Variants in DLGAP1 observed in about 807,000 individuals in gnomAD.
DLGAP1 encodes the protein DLG associated protein 1, also known as disks large-associated protein 1.
In DLGAP1, 11 loss-of-function variants were observed where a neutral mutation model predicts 90.8. The ratio of observed to expected loss-of-function variants is 0.12; its 90% CI spans 0.08 to 0.20. The LOEUF is 0.20. Ranked by LOEUF, DLGAP1 falls within the 10% of genes least tolerant of loss-of-function variation. The pLI is 1.00. For synonymous variants in DLGAP1, 558 were observed against 540.7 expected (o/e 1.03, Z -0.44); for missense variants, 1,050 against 1,333.8 (o/e 0.79, Z 3.31).
intron 7 of DLGAP1, among the ~76,000 whole-genome samples, chr18:3,717,936 C>T (rs1334279688): frequency 2.6e-5 from 4 of 152,140 alleles, no homozygotes; most frequent in Non-Finnish European, 5.9e-5. Context: ...AAGACTGCTA[C>T]GTGCCAAAGT....
At chr18:4,264,489 T>C (rs1398940097) in intron 1 of DLGAP1, 1 of 152,274 alleles carries the variant, frequency 6.6e-6, no homozygotes, top group East Asian at 1.9e-4. Context: ...ATAAGACTCA[T>C]TCTTCACCTT....
At chr18:4,314,797 G>A (rs2080486145) in intron 1 of DLGAP1, among the ~76,000 whole-genome samples, 1 of 152,160 alleles carries the variant, frequency 6.6e-6, no homozygotes, top group Non-Finnish European at 1.5e-5. Flanking sequence ...AGGGCGTGGT[G>A]AAGAATAAAA....
chr18:3,629,447 G>A (rs1191933888), intron 7 of DLGAP1, among the ~76,000 whole-genome samples: 1 of 151,976 alleles, frequency 6.6e-6, no homozygotes, highest in African/African-American at 2.4e-5. Context: ...TGAGGCGGGC[G>A]GATCACGAGG....
At chr18:3,745,645 G>A (rs961334999) in intron 5 of DLGAP1, among the ~76,000 whole-genome samples, 5 of 152,048 alleles carry the variant, frequency 3.3e-5, no homozygotes, top group African/African-American at 9.7e-5. Context: ...TAAAAAACAA[G>A]GGGAGGAATG....
At chr18:3,615,331 G>A (rs1196686081) in intron 7 of DLGAP1, among the ~76,000 whole-genome samples, 1 of 152,140 alleles carries the variant, frequency 6.6e-6, no homozygotes, top group African/African-American at 2.4e-5. Flanking sequence ...CCACATAGTT[G>A]GTGCTGATTG....
At chr18:3,532,698 T>G (rs2052091910) in intron 10 of DLGAP1, among the ~76,000 whole-genome samples, 1 of 152,186 alleles carries the variant, frequency 6.6e-6, no homozygotes. Flanking sequence ...CACACAGACA[T>G]GAAGCAGGCA....
intron 2 of DLGAP1, among the ~76,000 whole-genome samples, chr18:4,117,779 T>A (rs1164034353): frequency 6.6e-6 from 1 of 152,168 alleles, no homozygotes; most frequent in Non-Finnish European, 1.5e-5. Context: ...CTGCCAGGGA[T>A]CAGCATGGTT....
chr18:3,690,981 T>C (rs899254952), intron 7 of DLGAP1, among the ~76,000 whole-genome samples: 1 of 152,222 alleles, frequency 6.6e-6, no homozygotes, highest in Non-Finnish European at 1.5e-5. Context: ...TGGCCTGCCA[T>C]GCAAAACAGT....
At chr18:3,536,907 C>T (rs1266824491) in intron 9 of DLGAP1, among the ~76,000 whole-genome samples, 2 of 152,042 alleles carry the variant, frequency 1.3e-5, no homozygotes, top group Non-Finnish European at 2.9e-5. Context: ...GCAAGGAAGG[C>T]GTGGGCCTGA....
At chr18:4,388,556 A>G (rs1039504215) in intron 1 of DLGAP1, among the ~76,000 whole-genome samples, 1 of 152,172 alleles carries the variant, frequency 6.6e-6, no homozygotes, top group Non-Finnish European at 1.5e-5. Context: ...AGGAATGGGT[A>G]AAGGCAGAAA....
intron 7 of DLGAP1, among the ~76,000 whole-genome samples, chr18:3,617,191 C>T (rs1180693077): frequency 6.6e-6 from 1 of 152,116 alleles, no homozygotes; most frequent in Non-Finnish European, 1.5e-5. Flanking sequence ...TGGGGGTGAT[C>T]CGTTGCATAG....
chr18:3,852,745 A>C (rs1237116405), intron 4 of DLGAP1, among the ~76,000 whole-genome samples: 1 of 152,138 alleles, frequency 6.6e-6, no homozygotes, highest in East Asian at 1.9e-4. Context: ...GCATATATTG[A>C]GACAATCCTA....
rs561295142 is a variant in DLGAP1 at position 3,924,304 on chromosome 18, T to G, written c.-72-44164A>C. On this transcript the variant is annotated intron_variant, in intron 3 of 12. Transcript: ENST00000315677. The stretch of plus-strand genomic sequence containing the variant: ...ACCATGGGGAAATATAAAAAGCTTT[T>G]GGTTGAACAGTTCAGAAAACAAAAC... 9.8e-5 allele frequency among the ~76,000 whole-genome samples: 15 copies of G among 152,330 alleles called. No individual in the cohort carries two copies. In the South Asian group the frequency reaches 3.1e-3, roughly 32 times the overall value.
chr18:4,279,944 C>T (rs58557602), intron 1 of DLGAP1, among the ~76,000 whole-genome samples: 57 of 152,252 alleles, frequency 3.7e-4, no homozygotes, highest in African/African-American at 1.3e-3. Context: ...ATTCGTTAAA[C>T]AGTCATTAAA....
chr18:3,600,713 TAGATATAGAG>T (rs1358126601), intron 7 of DLGAP1, among the ~76,000 whole-genome samples: 3 of 93,606 alleles, frequency 3.2e-5, no homozygotes, highest in Admixed American at 1.2e-4. Flanking sequence ...TATAGCTATA[TAGATATAGAG>T]ATATAGATAT....
In DLGAP1 at chr18:4,389,830, T is replaced by G. The variant is rs1211752593; in HGVS notation, c.-267+65176A>C. Among the ~76,000 whole-genome samples the G allele has an allele frequency of 2.0e-5, 3 of 152,240 alleles. No individual in the cohort carries two copies. The South Asian group carries it at 6.2e-4, about 31-fold the overall frequency. On this transcript the variant is annotated intron_variant, in intron 1 of 12. Transcript: ENST00000315677. ...GCTGTTGGCACACAATGACGTCTAT[T>G]AAGATGCACATCAATTACTATAACC... is the stretch of plus-strand genomic sequence containing the variant.
intron 3 of DLGAP1, among the ~76,000 whole-genome samples, chr18:3,906,535 T>G (rs969899028): frequency 1.3e-5 from 2 of 152,184 alleles, no homozygotes; most frequent in Non-Finnish European, 2.9e-5. Flanking sequence ...TTTCCTCAAA[T>G]CTATTTATGT....
intron 7 of DLGAP1, among the ~76,000 whole-genome samples, chr18:3,642,489 A>G (rs2058974503): frequency 6.6e-6 from 1 of 152,186 alleles, no homozygotes; most frequent in Non-Finnish European, 1.5e-5. Context: ...CTATCTGGAG[A>G]TAGGTATACT....
intron 1 of DLGAP1, among the ~76,000 whole-genome samples, chr18:4,442,815 T>C (rs1471443005): frequency 6.6e-6 from 1 of 152,202 alleles, no homozygotes; most frequent in Non-Finnish European, 1.5e-5. Context: ...AAGAAACGCA[T>C]TATGTTTATT....
Sources: gnomAD v4.1 joint callset for allele counts (sites outside exome capture counted in the v4.1 genomes callset) on GRCh38, gnomAD v4.1.1 for gene constraint, MANE v1.5 for transcripts, NCBI Gene and HGNC (gene_info 2026-07-23, HGNC 2026-07-21) for gene names.